PICK1: variants seen among roughly 807,000 people sequenced by gnomAD.
PICK1 encodes the protein protein interacting with PRKCA 1.
A neutral mutation model predicts 48.9 loss-of-function variants in PICK1; 23 were observed. The ratio of observed to expected loss-of-function variants is 0.47; its 90% CI spans 0.34 to 0.67. PICK1 has a LOEUF of 0.67. Among genes scored for constraint, PICK1 ranks in the 30% least tolerant of loss-of-function variants. The pLI is 0.01. For missense variants in PICK1, 423 were observed against 557.1 expected (o/e 0.76, Z 2.42); for synonymous variants, 217 against 228.2 (o/e 0.95, Z 0.44).
In PICK1 at chr22:38,071,667, C is replaced by T. The variant is rs561674600; in HGVS notation, c.494-15C>T. On this transcript the variant is annotated splice_polypyrimidine_tract_variant and intron_variant, in intron 7 of 12. Transcript: ENST00000356976. Reference sequence around the variant, plus strand: ...CCATGCGTCCCCATTCCGCATCACTCGGTCTCTCCCACAGGGATGACGGAA... The same window carrying T: ...CCATGCGTCCCCATTCCGCATCACTTGGTCTCTCCCACAGGGATGACGGAA... The T allele has an allele frequency of 6.5e-5, 105 of 1,611,998 alleles. No homozygotes were observed. Among genetic ancestry groups the T allele is most frequent in the Non-Finnish European group, 8.2e-5 (97 of 1,178,640 alleles).
rs1206416140 is a variant in PICK1, at chr22:38,075,044, A to G, written c.1160A>G (p.Glu387Gly). The change falls in exon 13 of 13, where the codon GAG (glutamate) becomes GGG (glycine). Residue 387 changes from glutamate (E) to glycine (G), a missense_variant. Coordinates refer to ENST00000356976, the MANE Select transcript of PICK1 (RefSeq NM_012407.4). Reference protein sequence around the residue: ...EFTDGEEEEEEEDTAAGEPSR... With the variant: ...EFTDGEEEEEGEDTAAGEPSR... ...ACAGATGGGGAGGAGGAGGAGGAGG[A>G]GGAAGACACGGCAGCTGGGGAGCCG... The G allele has an allele frequency of 3.1e-6, 5 of 1,613,134 alleles. No homozygotes were observed. Among genetic ancestry groups the G allele is most frequent in the Middle Eastern group, 1.6e-4 (1 of 6,084 alleles).
chr22:38,061,837 G>T (rs1187603519), intron 3 of PICK1, among the ~76,000 whole-genome samples: 1 of 152,122 alleles, frequency 6.6e-6, no homozygotes, highest in Admixed American at 6.5e-5. Context: ...GTTGTTTCTT[G>T]ATCTATCACC....
At chr22:38,064,972 T>G in intron 3 of PICK1, 30 bp from the exon 4 acceptor site, 1 of 1,612,744 alleles carries the variant, frequency 6.2e-7, no homozygotes, top group Non-Finnish European at 8.5e-7. Context: ...CTCCCTTTCT[T>G]CCCCCACCAC....
chr22:38,071,660 C>T (rs2085697324), intron 7 of PICK1, 22 bp from the exon 8 acceptor site: 2 of 1,610,674 alleles, frequency 1.2e-6, no homozygotes, highest in Non-Finnish European at 1.7e-6. Context: ...CCCCATTCCG[C>T]ATCACTCGGT....
chr22:38,071,955 T>C, intron 8 of PICK1: 1 of 618,164 alleles, frequency 1.6e-6, no homozygotes, highest in East Asian at 2.8e-5. Flanking sequence ...GGCCCCACCC[T>C]GTCTCCTCAC....
chr22:38,074,217 C>A lies in PICK1; in HGVS notation c.835-90C>A. On this transcript the variant is annotated intron_variant, in intron 11 of 12. Coordinates refer to ENST00000356976, the MANE Select transcript of PICK1 (RefSeq NM_012407.4). The surrounding 1 kb of genome is among the most constrained non-coding windows in gnomAD (Gnocchi z 4.5). ...AACACTGAAGTCTCAGAAATGAGGT[C>A]TCAGGAATGAAGAACAGCCGTGGCT... The A allele has an allele frequency of 6.1e-6, 9 of 1,473,724 alleles. No homozygotes were observed. The highest frequency in any genetic ancestry group is 7.5e-6 in the Non-Finnish European group (8 of 1,060,650). 91.3% of individuals were successfully genotyped at this position (1,473,724 alleles called of 1,614,324 possible).
At chr22:38,072,950 C>G in intron 9 of PICK1, 50 bp from the exon 10 acceptor site, 2 of 1,250,918 alleles carry the variant, frequency 1.6e-6, no homozygotes, top group Non-Finnish European at 2.4e-6. Flanking sequence ...CATTGTCACC[C>G]TGGCACACCC....
Position 38,073,000 on chromosome 22 carries a change from A to G in PICK1, c.691A>G (p.Met231Val). ...TCAGCATCCACCCACCCTCTTCCAG[A>G]TGCTGACGGATCTGAACACGTACCT... ...GIRLLKTIKP[M>V]LTDLNTYLNK... Residue 231 changes from methionine to valine, a missense_variant and splice_region_variant, in exon 10 of 13, where the codon ATG becomes GTG. Physicochemically the swap from Met to Val is conservative, Grantham distance 21. This residue lies in a region of PICK1 where 279 missense variants were observed against 417.8 expected (regional missense o/e 0.67). Coordinates refer to ENST00000356976, the MANE Select transcript of PICK1 (RefSeq NM_012407.4). 1 of 1,611,000 alleles carries G rather than the reference A, an allele frequency of 6.2e-7. No homozygotes were observed. Among genetic ancestry groups the G allele is most frequent in the Non-Finnish European group, 8.5e-7 (1 of 1,177,270 alleles).
intron 4 of PICK1, 122 bp downstream of exon 4, chr22:38,065,252 C>T (rs2085498402): frequency 1.1e-6 from 1 of 950,692 alleles, no homozygotes; most frequent in Admixed American, 2.0e-5. Flanking sequence ...CCTTCCTTGT[C>T]ATGTGCAGGG....
At position 38,067,644 on chromosome 22, in the gene PICK1, C is replaced by T. The variant is rs1010156560; in HGVS notation, c.283-60C>T. On this transcript the variant is annotated intron_variant, in intron 4 of 12. Coordinates refer to ENST00000356976, the MANE Select transcript of PICK1 (RefSeq NM_012407.4). ...GAGTCTCAGTCCAGAACAGTCTTGGCTGGGAAGGGGCTCAGGGTGTGGAGC... is the reference window on the plus strand; with the variant it reads ...GAGTCTCAGTCCAGAACAGTCTTGGTTGGGAAGGGGCTCAGGGTGTGGAGC... 92 of 1,468,310 alleles carry T rather than the reference C, an allele frequency of 6.3e-5. No individual in the cohort carries two copies. In the Admixed American group the frequency reaches 1.3e-3, roughly 21 times the overall value. 91.0% of individuals were successfully genotyped at this position (1,468,310 alleles called of 1,614,324 possible).
At position 38,074,123 on chromosome 22, in the gene PICK1, AT is replaced by A; in HGVS notation, c.835-182del. On this transcript the variant is annotated intron_variant, in intron 11 of 12. Coordinates refer to ENST00000356976, the MANE Select transcript of PICK1 (RefSeq NM_012407.4). The surrounding 1 kb of genome is among the most constrained non-coding windows in gnomAD (Gnocchi z 4.5). ...GGGATCCATTTCGTGGCCAGTGTTC[AT>A]TGAATGTGGCAGAGGTTTGGGTTTG... 1.4e-6 allele frequency: 1 copy of A among 695,796 alleles called. No homozygotes were observed. The highest frequency in any genetic ancestry group is 2.7e-5 in the East Asian group (1 of 36,844). 43.1% of individuals were successfully genotyped at this position (695,796 alleles called of 1,614,324 possible). A position where few individuals can be genotyped will look rare whatever the true frequency, so the allele number is the denominator to read the frequency against.
chr22:38,074,935 G>C lies in PICK1; in HGVS notation c.1051G>C (p.Val351Leu), dbSNP rs2085799989. ...MSKYYNDCYA[V>L]LRDADVFPIE... ...CAAGTACTACAACGACTGCTACGCA[G>C]TGCTGCGGGATGCCGACGTCTTCCC... is the stretch of plus-strand genomic sequence containing the variant. Residue 351 changes from valine (V) to leucine (L), a missense_variant, in exon 13 of 13, where the codon GTG becomes CTG. Val to Leu is a conservative substitution (Grantham distance 32, BLOSUM62 1). This residue lies in a region of PICK1 where 144 missense variants were observed against 139.3 expected (regional missense o/e 1.03). Coordinates refer to ENST00000356976, the MANE Select transcript of PICK1 (RefSeq NM_012407.4). The surrounding 1 kb of genome is among the most constrained non-coding windows in gnomAD (Gnocchi z 4.5). The C allele has an allele frequency of 6.2e-7, 1 of 1,613,748 alleles. No homozygotes were observed. Among genetic ancestry groups the C allele is most frequent in the Non-Finnish European group, 8.5e-7 (1 of 1,180,040 alleles).
Position 38,059,294 on chromosome 22 carries a change from G to A in PICK1, c.102G>A (p.Gly34=), listed in dbSNP as rs1326029112. Reference sequence around the variant, plus strand: ...AGAAGGATGCTCAGAACCTGATCGGGATCAGCATTGGAGGAGGGGCCCAGT... The same window carrying A: ...AGAAGGATGCTCAGAACCTGATCGGAATCAGCATTGGAGGAGGGGCCCAGT... The part of the protein sequence containing the change: ...TLQKDAQNLI[G]ISIGGGAQYC... Residue 34 remains glycine, a synonymous_variant, in exon 3 of 13, where the codon GGG becomes GGA. Coordinates refer to ENST00000356976, the MANE Select transcript of PICK1 (RefSeq NM_012407.4). 1.3e-6 allele frequency: 2 copies of A among 1,578,112 alleles called. No homozygotes were observed. The highest frequency in any genetic ancestry group is 1.7e-6 in the Non-Finnish European group (2 of 1,161,370).
Position 38,074,667 on chromosome 22 carries a change from C to T in PICK1, c.980-197C>T, listed in dbSNP as rs916161468. Among the ~76,000 whole-genome samples, 5 of 152,250 alleles carry T rather than the reference C, an allele frequency of 3.3e-5. No individual in the cohort carries two copies. The highest frequency in any genetic ancestry group is 9.6e-5 in the African/African-American group (4 of 41,462). ...CATTTACCCTGCAGCCTCCTGCGTT[C>T]CCTGAACTGGGAGCGGGGAGGCCCC... On this transcript the variant is annotated intron_variant, in intron 12 of 12. Coordinates refer to ENST00000356976, the MANE Select transcript of PICK1 (RefSeq NM_012407.4). This position sits in a 1 kb window ranked among gnomAD's most constrained non-coding sequence, Gnocchi z 4.5.
rs1407268078 is a variant in PICK1, at chr22:38,073,408, TTTAA to T, written c.783+320_783+323del. Among the ~76,000 whole-genome samples the T allele has an allele frequency of 3.3e-5, 5 of 152,252 alleles. No homozygotes were observed. The South Asian group carries it at 1.0e-3, about 31-fold the overall frequency. Reference sequence around the variant, plus strand: ...TCAGTGAACGTTCGTGAGTTTTACATTTAATTATTCTACAGTCAAAGGAATTGAG... The same window carrying T: ...TCAGTGAACGTTCGTGAGTTTTACATTTATTCTACAGTCAAAGGAATTGAG... On this transcript the variant is annotated intron_variant, in intron 10 of 12. Transcript: ENST00000356976. The surrounding 1 kb of genome is among the most constrained non-coding windows in gnomAD (Gnocchi z 5.7).
intron 5 of PICK1, 93 bp downstream of exon 5, chr22:38,067,863 C>A: frequency 9.9e-7 from 1 of 1,009,504 alleles, no homozygotes; most frequent in South Asian, 1.3e-5. Context: ...CTGCCCTCCC[C>A]TTTATGACAG....
In PICK1 at chr22:38,065,306, C is replaced by A. The variant is rs986209158; in HGVS notation, c.282+176C>A. The A allele has an allele frequency of 2.4e-4, 159 of 673,730 alleles. No individual in the cohort carries two copies. In the African/African-American group the frequency reaches 2.5e-3, roughly 11 times the overall value. 41.7% of individuals were successfully genotyped at this position (673,730 alleles called of 1,614,324 possible). ...CTCCCTCATCCATCCCTCATTCATT[C>A]AATAAATACTAATCGTGCTCCAGGA... On this transcript the variant is annotated intron_variant, in intron 4 of 12. Transcript: ENST00000356976.
rs2085787595 is a variant in PICK1, at chr22:38,074,577, C to T, written c.979+126C>T. On this transcript the variant is annotated intron_variant, in intron 12 of 12. Transcript: ENST00000356976. This position sits in a 1 kb window ranked among gnomAD's most constrained non-coding sequence, Gnocchi z 4.5. Reference sequence around the variant, plus strand: ...GCCCCTCCAGGAGCCCAGCCATCTGCCCAGAGCCTGGCCTGGGTGGAGCTG... The same window carrying T: ...GCCCCTCCAGGAGCCCAGCCATCTGTCCAGAGCCTGGCCTGGGTGGAGCTG... The T allele has an allele frequency of 1.8e-5, 24 of 1,350,130 alleles. No homozygotes were observed. The South Asian group carries it at 3.0e-4, about 17-fold the overall frequency. 83.6% of individuals were successfully genotyped at this position (1,350,130 alleles called of 1,614,324 possible).
In PICK1 at chr22:38,075,529, T is replaced by A. The variant is rs547830542; in HGVS notation, c.*397T>A. The A allele has an allele frequency of 2.0e-5, 4 of 203,526 alleles. No individual in the cohort carries two copies. In the South Asian group the frequency reaches 4.6e-4, roughly 23 times the overall value. 12.6% of individuals were successfully genotyped at this position (203,526 alleles called of 1,614,324 possible). ...GGGAGTGGGGCCAGCCGTGGACAGC[T>A]GAGGTTGGGGTCAATGCCTCCTGGG... On this transcript the variant is annotated 3_prime_UTR_variant, in exon 13 of 13. Transcript: ENST00000356976.
Sources: gnomAD v4.1 joint callset for allele counts (sites outside exome capture counted in the v4.1 genomes callset) on GRCh38, gnomAD v4.1.1 for gene constraint, gnomAD v4.1.1 regional missense constraint, Gnocchi (gnomAD v3.1) non-coding constraint, MANE v1.5 for transcripts, NCBI Gene and HGNC (gene_info 2026-07-23, HGNC 2026-07-21) for gene names.